The following SLC24A5 variants were observed in gnomAD, a reference collection of about 807,000 sequenced individuals.
The protein encoded by SLC24A5 is solute carrier family 24 member 5.
SLC24A5 carries 46 observed loss-of-function variants against 51.6 expected under a neutral mutation model. The ratio of observed to expected loss-of-function variants is 0.89; its 90% confidence interval spans 0.70 to 1.14. The LOEUF (loss-of-function observed/expected upper bound fraction) is 1.14, where lower values mean the gene tolerates loss of function less well. SLC24A5 is among the 50% of genes most tolerant of loss of function. The pLI, the probability that SLC24A5 is intolerant of heterozygous loss-of-function variation, is 0.00. For missense variants in SLC24A5, 581 were observed against 604.1 expected (o/e 0.96, Z 0.40); for synonymous variants, 230 against 214.9 (o/e 1.07, Z -0.62).
At chr15:48,136,998 TCGCAAAGGAA>T (rs762449643) in intron 6 of SLC24A5, 35 bp downstream of exon 6, 8 of 1,558,612 alleles carry the variant, frequency 5.1e-6, no homozygotes, top group Middle Eastern at 1.7e-4. Context: ...TTAAGTCTAT[TCGCAAAGGAA>T]AAACTTTAAA....
intron 2 of SLC24A5, among the ~76,000 whole-genome samples, chr15:48,127,715 C>T (rs571686046): frequency 2.6e-5 from 4 of 152,088 alleles, no homozygotes; most frequent in African/African-American, 7.2e-5. Flanking sequence ...CCCAGCTCCT[C>T]GGGAGGCTGA....
At chr15:48,128,755 G>A (rs2038758548) in intron 2 of SLC24A5, among the ~76,000 whole-genome samples, 1 of 151,096 alleles carries the variant, frequency 6.6e-6, no homozygotes, top group Non-Finnish European at 1.5e-5. Flanking sequence ...TCTAAATTGT[G>A]GTCCCTTTGG....
intron 6 of SLC24A5, 174 bp from the exon 7 acceptor site, chr15:48,138,795 G>C (rs2038966031): frequency 4.1e-5 from 24 of 580,764 alleles, no homozygotes; most frequent in South Asian, 3.7e-4. Context: ...CTGCCCTAAA[G>C]TTTCAATTAG....
intron 7 of SLC24A5, chr15:48,140,490 T>C (rs951514013): frequency 6.6e-6 from 1 of 152,160 alleles, no homozygotes; most frequent in Non-Finnish European, 1.5e-5. Context: ...TGAGAATAAA[T>C]ACATTTCTGA....
At chr15:48,124,164 T>A (rs1229214441) in intron 2 of SLC24A5, 1 of 152,138 alleles carries the variant, frequency 6.6e-6, no homozygotes, top group Non-Finnish European at 1.5e-5. Flanking sequence ...TTCTTTATGG[T>A]TCTCCTTTTG....
At chr15:48,141,986 A>G (rs751506312) in intron 8 of SLC24A5, 43 bp from the exon 9 acceptor site, 1 of 1,341,942 alleles carries the variant, frequency 7.5e-7, no homozygotes, top group Non-Finnish European at 1.0e-6. Context: ...AATAAAACAC[A>G]GTATTGGTAA....
chr15:48,124,971 T>C (rs2038716078), intron 2 of SLC24A5, among the ~76,000 whole-genome samples: 1 of 152,210 alleles, frequency 6.6e-6, no homozygotes, highest in Non-Finnish European at 1.5e-5. Flanking sequence ...TCACTTCTCT[T>C]TTCAAGTTCT....
chr15:48,126,078 T>C (rs2038727847), intron 2 of SLC24A5, among the ~76,000 whole-genome samples: 1 of 152,212 alleles, frequency 6.6e-6, no homozygotes, highest in Non-Finnish European at 1.5e-5. Context: ...GTCAAACCAG[T>C]GCTCTTTCTC....
At chr15:48,135,804 A>G (rs944365189) in intron 5 of SLC24A5, 3 of 152,132 alleles carry the variant, frequency 2.0e-5, no homozygotes, top group African/African-American at 7.2e-5. Flanking sequence ...CCTAGCCAGA[A>G]GCATAATTTC....
rs766914105 is a variant in SLC24A5 at position 48,121,982 on chromosome 15, A to T, written c.247A>T (p.Ile83Leu). 12 of 1,614,174 alleles carry T rather than the reference A, an allele frequency of 7.4e-6. No homozygotes were observed. The highest frequency in any genetic ancestry group is 1.3e-5 in the African/African-American group (1 of 75,052). Residue 83 changes from isoleucine (I) to leucine (L), a missense_variant, in exon 2 of 9, where the codon ATA becomes TTA. By Grantham distance (5) the Ile-to-Leu change is conservative. Coordinates refer to ENST00000341459, the MANE Select transcript of SLC24A5 (RefSeq NM_205850.3). ...AATTATCGTTTACATGTTCATGGCCATATCTATTGTCTGTGATGAATACTT... is the reference window on the plus strand; with the variant it reads ...AATTATCGTTTACATGTTCATGGCCTTATCTATTGTCTGTGATGAATACTT... ...FLIIVYMFMAISIVCDEYFLP... is the reference protein window; with the variant it reads ...FLIIVYMFMALSIVCDEYFLP...
At chr15:48,130,590 T>A (rs1410944184) in intron 2 of SLC24A5, among the ~76,000 whole-genome samples, 1 of 152,200 alleles carries the variant, frequency 6.6e-6, no homozygotes, top group Non-Finnish European at 1.5e-5. Flanking sequence ...TCAGCTGCAC[T>A]GTTTGGGCAG....
intron 4 of SLC24A5, 64 bp downstream of exon 4, chr15:48,134,602 C>CCCAGACGACGAACA: frequency 7.6e-7 from 1 of 1,310,888 alleles, no homozygotes; most frequent in Non-Finnish European, 1.1e-6. Context: ...AACTGTTCGT[C>CCCAGACGACGAACA]GTCTGGGATG....
chr15:48,142,155 G>A lies in SLC24A5; in HGVS notation c.1307G>A (p.Arg436Lys), dbSNP rs565338261. The A allele has an allele frequency of 6.2e-7, 1 of 1,613,838 alleles. No individual in the cohort carries two copies. Among genetic ancestry groups the A allele is most frequent in the Non-Finnish European group, 8.5e-7 (1 of 1,179,902 alleles). The change falls in exon 9 of 9, where the codon AGA (arginine) becomes AAA (lysine). Residue 436 changes from arginine to lysine, a missense_variant. Arg to Lys is a conservative substitution (Grantham distance 26). Transcript: ENST00000341459. ...TCAGCTCCTGCAGAAGTAAACAGCA[G>A]AGGACTAACTTACATAACCATCTCT... ...NGSAPAEVNS[R>K]GLTYITISLN...
chr15:48,136,242 T>C (rs2140737944), intron 5 of SLC24A5: 1 of 152,520 alleles, frequency 6.6e-6, no homozygotes, highest in Middle Eastern at 3.4e-3. Flanking sequence ...ACCAGAAAAC[T>C]TGGACAGTTG....
intron 7 of SLC24A5, 107 bp from the exon 8 acceptor site, chr15:48,141,005 TA>T (rs2039061433): frequency 1.1e-5 from 9 of 840,468 alleles, no homozygotes; most frequent in Non-Finnish European, 1.7e-5. Context: ...CTCTGAATTC[TA>T]AATGTGCCTA....
At position 48,122,036 on chromosome 15, in the gene SLC24A5, T is replaced by C; in HGVS notation, c.301T>C (p.Ser101Pro). Residue 101 changes from serine (S) to proline (P), a missense_variant and splice_region_variant, in exon 2 of 9, where the codon TCC (serine) becomes CCC (proline). By Grantham distance (74) the Ser-to-Pro change is moderately conservative (BLOSUM62 -1). Transcript: ENST00000341459. Reference sequence around the variant, plus strand: ...ACCCTCCCTGGAAATCATCAGTGAATGTAAGTGGCTGGAAAGTTGCCCTGT... The same window carrying C: ...ACCCTCCCTGGAAATCATCAGTGAACGTAAGTGGCTGGAAAGTTGCCCTGT... ...FLPSLEIISE[S>P]LGLSQDVAGT... 2 of 1,614,158 alleles carry C rather than the reference T, an allele frequency of 1.2e-6. No homozygotes were observed. The highest frequency in any genetic ancestry group is 1.7e-6 in the Non-Finnish European group (2 of 1,180,000).
At chr15:48,127,905 C>T (rs1481154169) in intron 2 of SLC24A5, among the ~76,000 whole-genome samples, 3 of 151,582 alleles carry the variant, frequency 2.0e-5, no homozygotes, top group East Asian at 3.9e-4. Context: ...AGCATCTATA[C>T]CATTTTACTT....
At chr15:48,131,354 G>A (rs1474656239) in intron 2 of SLC24A5, among the ~76,000 whole-genome samples, 1 of 152,002 alleles carries the variant, frequency 6.6e-6, no homozygotes, top group Non-Finnish European at 1.5e-5. Flanking sequence ...CTATGGTTTG[G>A]GTATTTGTCC....
Position 48,141,180 on chromosome 15 carries a change from A to T in SLC24A5, c.1146A>T (p.Pro382=). 6.2e-7 allele frequency: 1 copy of T among 1,613,956 alleles called. No homozygotes were observed. Among genetic ancestry groups the T allele is most frequent in the Non-Finnish European group, 8.5e-7 (1 of 1,179,848 alleles). Residue 382 remains proline, a synonymous_variant, in exon 8 of 9, where the codon CCA becomes CCT. Coordinates refer to ENST00000341459, the MANE Select transcript of SLC24A5 (RefSeq NM_205850.3). ...TATTAGCAGCAGGAACAAGCATACC[A>T]GACACAATTGCAAGTGTGTTGGTTG... ...LTLLAAGTSI[P]DTIASVLVAR... is the part of the protein sequence containing the mutation.
Sources: gnomAD v4.1 joint callset for allele counts (sites outside exome capture counted in the v4.1 genomes callset) on GRCh38, gnomAD v4.1.1 for gene constraint, MANE v1.5 for transcripts, NCBI Gene and HGNC (gene_info 2026-07-23, HGNC 2026-07-21) for gene names.